The following PSTPIP2 variants were observed in gnomAD, a reference collection of about 807,000 sequenced individuals.
PSTPIP2 encodes proline-serine-threonine phosphatase-interacting protein 2.
A neutral mutation model predicts 63.3 loss-of-function variants in PSTPIP2; 33 were observed. The ratio of observed to expected loss-of-function variants is 0.52; its 90% CI spans 0.40 to 0.70. The LOEUF (loss-of-function observed/expected upper bound fraction) is 0.70, where lower values mean the gene tolerates loss of function less well. PSTPIP2 is among the 30% of genes least tolerant of loss of function. PSTPIP2 has a pLI of 0.00. For missense variants in PSTPIP2, 312 were observed against 400.7 expected (o/e 0.78, Z 1.89); for synonymous variants, 125 against 132.7 (o/e 0.94, Z 0.40).
intron 1 of PSTPIP2, among the ~76,000 whole-genome samples, chr18:46,043,269 T>C (rs182473553): frequency 1.4e-5 from 2 of 144,092 alleles, no homozygotes; most frequent in East Asian, 2.0e-4. Flanking sequence ...GGTGTGCCTG[T>C]AGTCCCAGCT....
At position 45,983,792 on chromosome 18, in the gene PSTPIP2, ACTGAT is replaced by A. The variant is rs1205197585; in HGVS notation, c.*1662_*1666del. 2.0e-5 allele frequency: 3 copies of A among 152,270 alleles called. No individual in the cohort carries two copies. Among genetic ancestry groups the A allele is most frequent in the Non-Finnish European group, 4.4e-5 (3 of 68,048 alleles). 9.4% of individuals were successfully genotyped at this position (152,270 alleles called of 1,614,324 possible). Reference sequence around the variant, plus strand: ...ATTCAGTTTCTCAAAAGGATATCCAACTGATGCAAGTTTCCTGTCATGACAAGAAG... The same window carrying A: ...ATTCAGTTTCTCAAAAGGATATCCAAGCAAGTTTCCTGTCATGACAAGAAG... On this transcript the variant is annotated 3_prime_UTR_variant, in exon 15 of 15. Coordinates refer to ENST00000409746, the MANE Select transcript of PSTPIP2 (RefSeq NM_024430.4).
intron 5 of PSTPIP2, 149 bp from the exon 6 acceptor site, chr18:46,005,680 A>C: frequency 1.5e-6 from 1 of 676,990 alleles, no homozygotes; most frequent in Non-Finnish European, 2.4e-6. Flanking sequence ...AGACCAAACA[A>C]TTTGCCTAAG....
At position 46,038,779 on chromosome 18, in the gene PSTPIP2, G is replaced by A. The variant is rs62095446; in HGVS notation, c.134+1168C>T. 3.6e-3 allele frequency among the ~76,000 whole-genome samples: 541 copies of A among 152,260 alleles called. 1 individual carries two copies. The highest frequency in any genetic ancestry group is 0.019 in the South Asian group (92 of 4,824). ...AGGCCTCCAGGTCCTCCAGACCTTT[G>A]GAATGGCTCAAGGAGACAGGCCTCA... On this transcript the variant is annotated intron_variant, in intron 2 of 14. Transcript: ENST00000409746.
At position 46,071,351 on chromosome 18, in the gene PSTPIP2, A is replaced by AG. The variant is rs1909386006; in HGVS notation, c.33+804dup. 2.6e-5 allele frequency among the ~76,000 whole-genome samples: 4 copies of AG among 152,226 alleles called. No individual in the cohort carries two copies. In the South Asian group the frequency reaches 8.3e-4, roughly 32 times the overall value. On this transcript the variant is annotated intron_variant, in intron 1 of 14. Transcript: ENST00000409746. The stretch of plus-strand genomic sequence containing the variant: ...GGGATGAGGACAGCTCCTCTGAATG[A>AG]GGGGGCATGGACCTTGAGGGGCACC...
chr18:46,049,836 C>T (rs1023681230), intron 1 of PSTPIP2, among the ~76,000 whole-genome samples: 4 of 152,044 alleles, frequency 2.6e-5, no homozygotes, highest in East Asian at 1.9e-4. Context: ...GCTGAGATCA[C>T]GCCACGGCAC....
chr18:46,025,915 G>A (rs376539581), intron 2 of PSTPIP2, among the ~76,000 whole-genome samples: 13 of 152,062 alleles, frequency 8.5e-5, no homozygotes, highest in Middle Eastern at 3.4e-3. Flanking sequence ...CCACCATGCC[G>A]AGCTAATTTT....
intron 13 of PSTPIP2, 118 bp from the exon 14 acceptor site, chr18:45,988,877 G>A: frequency 3.8e-6 from 3 of 795,894 alleles, no homozygotes; most frequent in Non-Finnish European, 6.3e-6. Context: ...TTTGTAAAGA[G>A]AAAATAGATC....
chr18:46,015,797 T>G (rs1247166079), intron 4 of PSTPIP2, 106 bp downstream of exon 4: 2 of 1,297,462 alleles, frequency 1.5e-6, no homozygotes, highest in African/African-American at 1.5e-5. Context: ...TCTAATTTTT[T>G]TTCACCCACT....
rs1325879934 is a variant in PSTPIP2, at chr18:46,015,348, G to C, written c.247+555C>G. ...GTCCCAAAGTCTGAAGCCCTGCAGG[G>C]GTGGCTCTGGGAGAAGAAAACCAGA... On this transcript the variant is annotated intron_variant, in intron 4 of 14. Transcript: ENST00000409746. Among the ~76,000 whole-genome samples the C allele has an allele frequency of 2.0e-5, 3 of 152,262 alleles. No homozygotes were observed. The East Asian group carries it at 5.8e-4, about 29-fold the overall frequency.
intron 9 of PSTPIP2, among the ~76,000 whole-genome samples, chr18:45,997,127 A>G (rs1413477167): frequency 6.6e-6 from 1 of 152,172 alleles, no homozygotes; most frequent in Non-Finnish European, 1.5e-5. Context: ...GAGGCAGACA[A>G]GGTTTGGGGA....
Position 45,992,265 on chromosome 18 carries a change from A to G in PSTPIP2, c.742-63T>C, listed in dbSNP as rs1475996561. ...TGAGATCATTGTGACACAGCTCCTT[A>G]AAAACATGGGTTTGAGGCGGGGCGC... On this transcript the variant is annotated intron_variant, in intron 10 of 14. Coordinates refer to ENST00000409746, the MANE Select transcript of PSTPIP2 (RefSeq NM_024430.4). 10 of 1,406,652 alleles carry G rather than the reference A, an allele frequency of 7.1e-6. No homozygotes were observed. The South Asian group carries it at 1.1e-4, about 16-fold the overall frequency. 87.1% of individuals were successfully genotyped at this position (1,406,652 alleles called of 1,614,324 possible).
intron 9 of PSTPIP2, among the ~76,000 whole-genome samples, chr18:45,996,127 G>A (rs1344510895): frequency 6.6e-6 from 1 of 152,196 alleles, no homozygotes; most frequent in African/African-American, 2.4e-5. Flanking sequence ...CTGAACTGGT[G>A]GGTTTTAAAG....
rs545912327 is a variant in PSTPIP2, at chr18:46,009,601, A to T, written c.354+1580T>A. Among the ~76,000 whole-genome samples, 7 of 152,300 alleles carry T rather than the reference A, an allele frequency of 4.6e-5. No homozygotes were observed. In the East Asian group the frequency reaches 1.4e-3, roughly 29 times the overall value. ...CTTAACACAGTTCAGAGCAGAGTTC[A>T]GTTCTAGCTTAAAATAATTTGGTCT... On this transcript the variant is annotated intron_variant, in intron 5 of 14. Transcript: ENST00000409746.
At chr18:46,027,872 G>A (rs997884130) in intron 2 of PSTPIP2, among the ~76,000 whole-genome samples, 6 of 151,988 alleles carry the variant, frequency 3.9e-5, no homozygotes, top group Non-Finnish European at 5.9e-5. Flanking sequence ...ATGAAAATAA[G>A]TAAGAGGGCC....
intron 2 of PSTPIP2, among the ~76,000 whole-genome samples, chr18:46,038,711 C>T (rs1908075222): frequency 6.6e-6 from 1 of 152,238 alleles, no homozygotes; most frequent in African/African-American, 2.4e-5. Flanking sequence ...GCCAGCTCCA[C>T]AGCGCTGACA....
At chr18:46,028,992 T>G (rs371387366) in intron 2 of PSTPIP2, 106 of 904,792 alleles carry the variant, frequency 1.2e-4, no homozygotes, top group Non-Finnish European at 1.9e-4. Context: ...TCCGTCCTTG[T>G]GCACAGATTG....
At chr18:45,989,383 T>C (rs2051499966) in intron 13 of PSTPIP2, among the ~76,000 whole-genome samples, 1 of 152,332 alleles carries the variant, frequency 6.6e-6, no homozygotes, top group African/African-American at 2.4e-5. Flanking sequence ...CGCTTTTGCA[T>C]CTTCTTCATT....
intron 2 of PSTPIP2, among the ~76,000 whole-genome samples, chr18:46,031,835 A>C (rs1171375728): frequency 6.6e-6 from 1 of 152,156 alleles, no homozygotes; most frequent in Non-Finnish European, 1.5e-5. Flanking sequence ...GTTCCCCATG[A>C]AACAAGATGT....
chr18:45,984,684 T>C lies in PSTPIP2; in HGVS notation c.*775A>G, dbSNP rs2051450282. The C allele has an allele frequency of 6.6e-6, 1 of 152,212 alleles. No individual in the cohort carries two copies. Among genetic ancestry groups the C allele is most frequent in the South Asian group, 2.1e-4 (1 of 4,828 alleles). 9.4% of individuals were successfully genotyped at this position (152,212 alleles called of 1,614,324 possible). A position where few individuals can be genotyped will look rare whatever the true frequency, so the allele number is the denominator to read the frequency against. On this transcript the variant is annotated 3_prime_UTR_variant, in exon 15 of 15. Coordinates refer to ENST00000409746, the MANE Select transcript of PSTPIP2 (RefSeq NM_024430.4). ...GCATGTTTTACAATCAGTGGCTCCT[T>C]AAATTAGATTAAACATCATGCTCTG... is the stretch of plus-strand genomic sequence containing the variant.
Sources: gnomAD v4.1 joint callset for allele counts (sites outside exome capture counted in the v4.1 genomes callset) on GRCh38, gnomAD v4.1.1 for gene constraint, MANE v1.5 for transcripts, NCBI Gene and HGNC (gene_info 2026-07-23, HGNC 2026-07-21) for gene names.